Variants in CARD14 observed in about 807,000 individuals in gnomAD.
CARD14 encodes caspase recruitment domain-containing protein 14.
In CARD14, 107 loss-of-function variants were observed where a neutral mutation model predicts 111.5. The observed-to-expected ratio is 0.96, with a 90% CI of 0.82 to 1.13. The LOEUF (loss-of-function observed/expected upper bound fraction) is 1.13. CARD14 is among the 50% of genes most tolerant of loss of function. The pLI is 0.00. For missense variants in CARD14, 1,322 were observed against 1,362.3 expected, an observed-to-expected ratio of 0.97 and a Z score of 0.47; for synonymous variants, 617 against 579.6, an observed-to-expected ratio of 1.06 and a Z score of -0.93.
At chr17:80,191,783 G>A (rs1294423547) in intron 11 of CARD14, among the ~76,000 whole-genome samples, 1 of 152,236 alleles carries the variant, frequency 6.6e-6, no homozygotes, top group African/African-American at 2.4e-5. Context: ...GATGTGGCAG[G>A]TGGCGTTTGA....
Position 80,208,340 on chromosome 17 carries a change from C to T in CARD14, c.3010C>T (p.Arg1004Ter), listed in dbSNP as rs781476504. ...KKVVWTEQSP[R>*] ...GGTGGTGTGGACGGAGCAGAGCCCCCGATGATGCACCGTGCCCCTTCCCGG... is the reference window on the plus strand; with the variant it reads ...GGTGGTGTGGACGGAGCAGAGCCCCTGATGATGCACCGTGCCCCTTCCCGG... Residue 1004 changes from arginine (R) to a stop codon, truncating the protein, a stop_gained, in exon 24 of 24, where the codon CGA (arginine) becomes TGA (stop). Coordinates refer to ENST00000648509, the MANE Select transcript of CARD14 (RefSeq NM_001366385.1). LOFTEE classifies it high-confidence loss of function. 1.0e-5 allele frequency: 16 copies of T among 1,592,834 alleles called. No homozygotes were observed. Among genetic ancestry groups the T allele is most frequent in the African/African-American group, 2.7e-5 (2 of 74,728 alleles).
intron 5 of CARD14, among the ~76,000 whole-genome samples, chr17:80,181,996 A>G (rs2040190599): frequency 6.6e-6 from 1 of 152,212 alleles, no homozygotes; most frequent in African/African-American, 2.4e-5. Flanking sequence ...GCTTTACTGT[A>G]TACGGTTGTT....
rs8070632 is a variant in CARD14 at position 80,188,108 on chromosome 17, G to A, written c.676-269G>A. On this transcript the variant is annotated intron_variant, in intron 7 of 23. Coordinates refer to ENST00000648509, the MANE Select transcript of CARD14 (RefSeq NM_001366385.1). This position sits in a 1 kb window ranked among gnomAD's most constrained non-coding sequence, Gnocchi z 4.5. ...AGGAGTTGGTTATCAAGGCCTCTTG[G>A]TCTATTCCTGGGACCCTAACCCTGG... 5.1e-3 allele frequency: 2,579 copies of A among 505,650 alleles called. 66 individuals carry two copies. The highest frequency in any genetic ancestry group is 0.049 in the African/African-American group (2,417 of 49,646). 31.3% of individuals were successfully genotyped at this position (505,650 alleles called of 1,614,324 possible). A position where few individuals can be genotyped will look rare whatever the true frequency, so the allele number is the denominator to read the frequency against.
chr17:80,194,234 G>T (rs2040630853), intron 12 of CARD14, among the ~76,000 whole-genome samples: 1 of 151,830 alleles, frequency 6.6e-6, no homozygotes, highest in Non-Finnish European at 1.5e-5. Flanking sequence ...TGCCCATGTC[G>T]CCCACAGCCC....
intron 2 of CARD14, 129 bp downstream of exon 2, chr17:80,173,357 A>C (rs2039954328): frequency 6.6e-6 from 1 of 152,576 alleles, no homozygotes; most frequent in African/African-American, 2.4e-5. Flanking sequence ...GACAGGACAG[A>C]CTGATCGGCA....
At chr17:80,187,819 G>A in intron 7 of CARD14, 1 of 985,494 alleles carries the variant, frequency 1.0e-6, no homozygotes, top group Non-Finnish European at 1.2e-6. Flanking sequence ...AAGGAGGCCA[G>A]CAGGACCTGG....
rs559146307 is a variant in CARD14 at position 80,208,112 on chromosome 17, G to A, written c.2808-26G>A. The stretch of plus-strand genomic sequence containing the variant: ...TGGGCCCTTGCTCTCCCCTGAGCCC[G>A]CCCCCCCCAACTCTGGCCTGTGCAG... On this transcript the variant is annotated intron_variant, in intron 23 of 23. Transcript: ENST00000648509. The A allele has an allele frequency of 2.9e-4, 355 of 1,217,648 alleles. 1 individual carries two copies. The highest frequency in any genetic ancestry group is 2.9e-4 in the Middle Eastern group (1 of 3,464). The allele number at this position is 1,217,648 out of a possible 1,614,324, so 75.4% of individuals were successfully genotyped here.
At chr17:80,192,729 G>C in intron 12 of CARD14, 110 bp downstream of exon 12, 6 of 716,396 alleles carry the variant, frequency 8.4e-6, no homozygotes, top group African/African-American at 1.8e-5. Context: ...CCACAGGGAA[G>C]AGGTTGGTAC....
At chr17:80,175,728 G>T (rs141992909) in intron 2 of CARD14, among the ~76,000 whole-genome samples, 1 of 152,162 alleles carries the variant, frequency 6.6e-6, no homozygotes, top group South Asian at 2.1e-4. Context: ...CGCTGAACAG[G>T]CAGGGCCTGG....
intron 7 of CARD14, chr17:80,187,669 G>C (rs865844507): frequency 3.8e-6 from 3 of 789,910 alleles, no homozygotes; most frequent in Non-Finnish European, 4.6e-6. Flanking sequence ...GGTGAGCACC[G>C]GCACCCACCC....
chr17:80,198,389 C>T lies in CARD14; in HGVS notation c.1659-10C>T, dbSNP rs773622446. On this transcript the variant is annotated splice_polypyrimidine_tract_variant and intron_variant, in intron 15 of 23. Coordinates refer to ENST00000648509, the MANE Select transcript of CARD14 (RefSeq NM_001366385.1). This position sits in a 1 kb window ranked among gnomAD's most constrained non-coding sequence, Gnocchi z 7.5. Reference sequence around the variant, plus strand: ...GGCAGTGCACAAGCCGGTCGTCTCCCGGCCTGCAGCGGCGTCCTCATGCGG... The same window carrying T: ...GGCAGTGCACAAGCCGGTCGTCTCCTGGCCTGCAGCGGCGTCCTCATGCGG... 83 of 1,591,542 alleles carry T rather than the reference C, an allele frequency of 5.2e-5. No homozygotes were observed. Among genetic ancestry groups the T allele is most frequent in the African/African-American group, 1.5e-4 (11 of 74,770 alleles).
intron 4 of CARD14, among the ~76,000 whole-genome samples, chr17:80,180,053 A>T (rs2040120741): frequency 6.6e-6 from 1 of 152,186 alleles, no homozygotes; most frequent in Non-Finnish European, 1.5e-5. Flanking sequence ...AAAACATTTT[A>T]AAATTATTTA....
At position 80,208,583 on chromosome 17, in the gene CARD14, G is replaced by C. The variant is rs111949026; in HGVS notation, c.*238G>C. 152 of 459,362 alleles carry C rather than the reference G, an allele frequency of 3.3e-4. 1 individual carries two copies. The highest frequency in any genetic ancestry group is 2.7e-3 in the African/African-American group (135 of 50,236). The allele number at this position is 459,362 out of a possible 1,614,324, so 28.5% of individuals were successfully genotyped here. A position where few individuals can be genotyped will look rare whatever the true frequency, so the allele number is the denominator to read the frequency against. ...CTTCACCCTTTACCAGGCTTGGCAT[G>C]GTCTGAACTGGAAACCCTGAGAATG... On this transcript the variant is annotated 3_prime_UTR_variant, in exon 24 of 24. Transcript: ENST00000648509.
chr17:80,205,523 A>AC lies in CARD14; in HGVS notation c.2570-6dup, dbSNP rs770658706. 6.3e-7 allele frequency: 1 copy of AC among 1,582,654 alleles called. No homozygotes were observed. Among genetic ancestry groups the AC allele is most frequent in the East Asian group, 2.3e-5 (1 of 43,580 alleles). On this transcript the variant is annotated splice_region_variant and splice_polypyrimidine_tract_variant and intron_variant, in intron 21 of 23. Transcript: ENST00000648509. Reference sequence around the variant, plus strand: ...GTCTATGATGGCCCCGTCCAATGTCACCTGTAGAGTACTTGAGCCAGGAGG... The same window carrying AC: ...GTCTATGATGGCCCCGTCCAATGTCACCCTGTAGAGTACTTGAGCCAGGAGG...
chr17:80,204,967 C>A, intron 20 of CARD14, 68 bp from the exon 21 acceptor site: 2 of 1,370,658 alleles, frequency 1.5e-6, no homozygotes, highest in South Asian at 2.9e-5. Context: ...CCAGTCCCTC[C>A]CGGGGCAGGG....
Position 80,195,443 on chromosome 17 carries a change from G to C in CARD14, c.1499+110G>C, listed in dbSNP as rs1230485589. On this transcript the variant is annotated intron_variant, in intron 13 of 23. Coordinates refer to ENST00000648509, the MANE Select transcript of CARD14 (RefSeq NM_001366385.1). The surrounding 1 kb of genome is among the most constrained non-coding windows in gnomAD (Gnocchi z 4.7). ...GGGCATCTGGGTATTGCAGGCAGCA[G>C]CTCCTGCCCTCGAAGCCCCAGAGCT... is the stretch of plus-strand genomic sequence containing the variant. 1 of 1,505,940 alleles carries C rather than the reference G, an allele frequency of 6.6e-7. No homozygotes were observed. The highest frequency in any genetic ancestry group is 8.9e-7 in the Non-Finnish European group (1 of 1,119,974). 93.3% of individuals were successfully genotyped at this position (1,505,940 alleles called of 1,614,324 possible).
chr17:80,179,653 G>A (rs1481586294), intron 4 of CARD14, among the ~76,000 whole-genome samples: 1 of 152,094 alleles, frequency 6.6e-6, no homozygotes, highest in African/African-American at 2.4e-5. Context: ...AGCAACATAC[G>A]GAGATTCCAT....
chr17:80,191,600 C>T (rs540202996), intron 11 of CARD14, 128 bp downstream of exon 11: 290 of 1,155,498 alleles, frequency 2.5e-4, no homozygotes, highest in South Asian at 5.2e-4. Flanking sequence ...CTGGGCCACA[C>T]GCGGCACCTG....
intron 2 of CARD14, among the ~76,000 whole-genome samples, chr17:80,173,522 G>GT (rs887756086): frequency 5.9e-5 from 9 of 151,408 alleles, no homozygotes; most frequent in South Asian, 2.1e-4. Context: ...GCTGGCAAAA[G>GT]TTTTTTTTTA....
Sources: allele counts gnomAD v4.1 joint callset (sites outside exome capture counted in the v4.1 genomes callset), GRCh38; gene constraint gnomAD v4.1.1; non-coding constraint Gnocchi (gnomAD v3.1); transcripts MANE v1.5; gene names NCBI Gene and HGNC (gene_info 2026-07-23, HGNC 2026-07-21).